Variants in RABGAP1L observed in about 807,000 individuals in gnomAD.
The protein encoded by RABGAP1L is RAB GTPase activating protein 1 like, also known as rab GTPase-activating protein 1-like.
Under a neutral mutation model 137.7 loss-of-function variants are expected in RABGAP1L, and 63 were observed. The ratio of observed to expected loss-of-function variants is 0.46; its 90% confidence interval spans 0.37 to 0.56. The LOEUF is 0.56. Ranked by LOEUF, RABGAP1L falls within the 20% of genes least tolerant of loss-of-function variation. RABGAP1L has a pLI of 0.00. For synonymous variants in RABGAP1L, 431 were observed against 433.7 expected (o/e 0.99, Z 0.08); for missense variants, 1,095 against 1,244.0 (o/e 0.88, Z 1.80).
At chr1:174,349,912 ACC>A (rs556375925) in intron 11 of RABGAP1L, among the ~76,000 whole-genome samples, 2 of 64,978 alleles carry the variant, frequency 3.1e-5, no homozygotes, top group Admixed American at 1.6e-4. Flanking sequence ...TGGGGGGCTG[ACC>A]CCCCCCCACC....
At chr1:174,975,253 C>G (rs1304265046) in intron 21 of RABGAP1L, among the ~76,000 whole-genome samples, 2 of 152,160 alleles carry the variant, frequency 1.3e-5, no homozygotes, top group African/African-American at 4.8e-5. Context: ...TGTAAGTTGT[C>G]ATTACAGTCC....
At chr1:174,618,824 A>AG (rs199846768) in intron 13 of RABGAP1L, among the ~76,000 whole-genome samples, 3,441 of 152,322 alleles carry the variant, frequency 0.023, 62 homozygotes, top group Middle Eastern at 0.085. Flanking sequence ...AGAAGGCTTC[A>AG]GACGATCAAG....
At chr1:174,952,756 A>ATTTTTGTATG (rs1299527127) in intron 19 of RABGAP1L, among the ~76,000 whole-genome samples, 4 of 151,968 alleles carry the variant, frequency 2.6e-5, no homozygotes, top group African/African-American at 9.7e-5. Flanking sequence ...TGCTCAGCTA[A>ATTTTTGTATG]TTTTTGTATG....
chr1:174,543,899 C>T (rs1233653980), intron 13 of RABGAP1L, among the ~76,000 whole-genome samples: 1 of 152,182 alleles, frequency 6.6e-6, no homozygotes, highest in African/African-American at 2.4e-5. Flanking sequence ...AAATTCTTTT[C>T]TTTAAGAATG....
At chr1:174,523,236 A>G (rs1286380039) in intron 13 of RABGAP1L, among the ~76,000 whole-genome samples, 1 of 152,208 alleles carries the variant, frequency 6.6e-6, no homozygotes. Context: ...CACAACTGTC[A>G]ACAAGCCCTG....
intron 19 of RABGAP1L, among the ~76,000 whole-genome samples, chr1:174,925,876 GT>G (rs1427562681): frequency 0.17 from 18,823 of 108,854 alleles, 1,768 homozygotes; most frequent in South Asian, 0.25. Context: ...TTTTGTTTTT[GT>G]TTTTTTTTTG....
In RABGAP1L at chr1:174,708,579, A is replaced by G. The variant is rs144281327; in HGVS notation, c.2169+6323A>G. On this transcript the variant is annotated intron_variant, in intron 17 of 25. Transcript: ENST00000681986. ...CTCCCCTAGCTGAGGGAAGCTGTAA[A>G]GTACTCTGCCATGAGGGACAGTGCT... Among the ~76,000 whole-genome samples the G allele has an allele frequency of 7.7e-3, 1,174 of 152,266 alleles. 3 individuals are homozygous for G. Among genetic ancestry groups the G allele is most frequent in the Non-Finnish European group, 0.011 (746 of 68,008 alleles).
intron 19 of RABGAP1L, among the ~76,000 whole-genome samples, chr1:174,826,768 A>G (rs1691606798): frequency 1.3e-5 from 2 of 152,234 alleles, no homozygotes; most frequent in South Asian, 4.1e-4. Context: ...CCAACAATGT[A>G]TAAGCATTCC....
intron 19 of RABGAP1L, among the ~76,000 whole-genome samples, chr1:174,908,497 A>T (rs1219038533): frequency 6.6e-6 from 1 of 152,094 alleles, no homozygotes; most frequent in Non-Finnish European, 1.5e-5. Context: ...AACATCAAAA[A>T]TACACAAACA....
intron 13 of RABGAP1L, among the ~76,000 whole-genome samples, chr1:174,562,101 A>G (rs1017290548): frequency 2.6e-5 from 4 of 152,202 alleles, no homozygotes; most frequent in African/African-American, 7.2e-5. Flanking sequence ...TTTGCAATCT[A>G]TCCATCTGAC....
At chr1:174,642,473 C>T (rs1030262112) in intron 14 of RABGAP1L, among the ~76,000 whole-genome samples, 1 of 152,052 alleles carries the variant, frequency 6.6e-6, no homozygotes, top group African/African-American at 2.4e-5. Flanking sequence ...GCTTTCTAGA[C>T]ATAGGGGGTA....
At chr1:174,375,616 C>T (rs564154602) in intron 12 of RABGAP1L, among the ~76,000 whole-genome samples, 6 of 152,144 alleles carry the variant, frequency 3.9e-5, no homozygotes, top group African/African-American at 1.2e-4. Flanking sequence ...TAGGTGAAAT[C>T]GACAAACACT....
chr1:174,637,288 C>T, intron 13 of RABGAP1L, 87 bp from the exon 14 acceptor site: 1 of 865,774 alleles, frequency 1.2e-6, no homozygotes. Context: ...ACTTTTCTTG[C>T]TGTTTGAGTT....
intron 13 of RABGAP1L, among the ~76,000 whole-genome samples, chr1:174,538,941 C>T (rs1665120917): frequency 6.6e-6 from 1 of 152,012 alleles, no homozygotes; most frequent in South Asian, 2.1e-4. Context: ...TACAGAAAAA[C>T]ATATTAGTGT....
chr1:174,172,143 CTT>C (rs375305871), intron 1 of RABGAP1L, among the ~76,000 whole-genome samples: 7 of 120,804 alleles, frequency 5.8e-5, no homozygotes, highest in African/African-American at 1.5e-4. Flanking sequence ...ACAGTATCTC[CTT>C]TTTTTTTTTT....
chr1:174,838,252 T>C (rs753096533), intron 19 of RABGAP1L, among the ~76,000 whole-genome samples: 14 of 152,228 alleles, frequency 9.2e-5, no homozygotes, highest in Non-Finnish European at 1.6e-4. Flanking sequence ...ATGTTGATCA[T>C]TGGAACTGAG....
At chr1:174,247,544 T>A (rs1265805803) in intron 5 of RABGAP1L, among the ~76,000 whole-genome samples, 2 of 152,208 alleles carry the variant, frequency 1.3e-5, no homozygotes, top group East Asian at 3.9e-4. Flanking sequence ...ACCTATAATA[T>A]ACAAATGGTA....
intron 8 of RABGAP1L, among the ~76,000 whole-genome samples, chr1:174,275,403 A>G (rs1370322512): frequency 6.6e-6 from 1 of 152,166 alleles, no homozygotes; most frequent in East Asian, 1.9e-4. Context: ...GAAGAAAAAT[A>G]TTAACTTTCC....
At chr1:174,826,113 T>G (rs1272416880) in intron 19 of RABGAP1L, among the ~76,000 whole-genome samples, 3 of 152,186 alleles carry the variant, frequency 2.0e-5, no homozygotes, top group African/African-American at 7.2e-5. Context: ...TACTCAATGT[T>G]TAGCTCCCAC....
Sources: allele counts gnomAD v4.1 joint callset (sites outside exome capture counted in the v4.1 genomes callset), GRCh38; gene constraint gnomAD v4.1.1; transcripts MANE v1.5; gene names NCBI Gene and HGNC (gene_info 2026-07-23, HGNC 2026-07-21).